The following RB1 variants were observed in gnomAD, a reference collection of about 807,000 sequenced individuals.
The protein encoded by RB1 is RB transcriptional corepressor 1.
In RB1, 18 loss-of-function variants were observed where a neutral mutation model predicts 135.4. The observed-to-expected ratio is 0.13, with a 90% confidence interval of 0.09 to 0.20. The LOEUF is 0.20. Among genes scored for constraint, RB1 ranks in the 10% least tolerant of loss-of-function variants. RB1 has a pLI of 1.00. For synonymous variants in RB1, 365 were observed against 373.2 expected, an observed-to-expected ratio of 0.98 and a Z score of 0.25; for missense variants, 868 against 1,110.0, an observed-to-expected ratio of 0.78 and a Z score of 3.10.
intron 6 of RB1, among the ~76,000 whole-genome samples, chr13:48,357,346 A>G (rs1952601964): frequency 6.6e-6 from 1 of 151,724 alleles, no homozygotes; most frequent in Non-Finnish European, 1.5e-5. Flanking sequence ...TTTTGAGCTA[A>G]ACTATTTTTG....
intron 17 of RB1, among the ~76,000 whole-genome samples, chr13:48,451,003 G>A (rs1949323641): frequency 2.0e-5 from 3 of 152,196 alleles, no homozygotes. Flanking sequence ...GTATAGGAAT[G>A]CTAGCGATTA....
rs754234456 is a variant in RB1, at chr13:48,345,335, T to C, written c.500+136T>C. 4.1e-5 allele frequency: 41 copies of C among 1,004,464 alleles called. No homozygotes were observed. The Middle Eastern group carries it at 9.7e-4, about 24-fold the overall frequency. The allele number at this position is 1,004,464 out of a possible 1,614,324, so 62.2% of individuals were successfully genotyped here. A position where few individuals can be genotyped will look rare whatever the true frequency, so the allele number is the denominator to read the frequency against. On this transcript the variant is annotated intron_variant, in intron 4 of 26. Transcript: ENST00000267163. ...TAGACTTGTCCCTTTTAATGTTAGC[T>C]CATTAATTCTTAGCTTTCTTATTTA...
intron 13 of RB1, among the ~76,000 whole-genome samples, chr13:48,378,120 C>T (rs1276474948): frequency 6.6e-6 from 1 of 152,116 alleles, no homozygotes. Context: ...TGTACACTAT[C>T]GTAGACTTTA....
At chr13:48,463,051 C>T (rs1431434140) in intron 20 of RB1, among the ~76,000 whole-genome samples, 1 of 152,090 alleles carries the variant, frequency 6.6e-6, no homozygotes, top group African/African-American at 2.4e-5. Flanking sequence ...AAGAATGTTG[C>T]AGAAGCAATG....
chr13:48,392,635 A>G (rs1438731240), intron 17 of RB1, among the ~76,000 whole-genome samples: 1 of 151,710 alleles, frequency 6.6e-6, no homozygotes, highest in Non-Finnish European at 1.5e-5. Flanking sequence ...TATTATGTTT[A>G]TGCTTTTCTT....
At chr13:48,473,647 GTA>G (rs1949486243) in intron 24 of RB1, among the ~76,000 whole-genome samples, 1 of 151,988 alleles carries the variant, frequency 6.6e-6, no homozygotes. Context: ...ATACATTTGT[GTA>G]TATACATACA....
At chr13:48,411,575 G>C in intron 17 of RB1, 1 of 1,613,570 alleles carries the variant, frequency 6.2e-7, no homozygotes, top group Non-Finnish European at 8.5e-7. Context: ...CAAAACAACA[G>C]TTGGAAACAG....
intron 2 of RB1, among the ~76,000 whole-genome samples, chr13:48,308,888 C>T (rs776455294): frequency 3.9e-5 from 6 of 152,082 alleles, no homozygotes; most frequent in Non-Finnish European, 8.8e-5. Context: ...CCTGTAGTTA[C>T]ACATAGTTTT....
At chr13:48,425,511 A>G (rs1022857972) in intron 17 of RB1, among the ~76,000 whole-genome samples, 1 of 152,214 alleles carries the variant, frequency 6.6e-6, no homozygotes, top group African/African-American at 2.4e-5. Context: ...TAGACGCTGC[A>G]AAGTGTAATG....
At chr13:48,476,560 T>G (rs1318681348) in intron 24 of RB1, 141 bp from the exon 25 acceptor site, 2 of 807,308 alleles carry the variant, frequency 2.5e-6, no homozygotes, top group African/African-American at 3.5e-5. Flanking sequence ...ATATCTTTTA[T>G]TTGGTCCAAT....
At chr13:48,417,231 C>G (rs966277407) in intron 17 of RB1, 2 of 153,238 alleles carry the variant, frequency 1.3e-5, no homozygotes, top group African/African-American at 2.4e-5. Context: ...GAGGAAGGAA[C>G]AGGCAGCAAT....
chr13:48,401,176 C>T (rs1472611664), intron 17 of RB1: 1 of 152,304 alleles, frequency 6.6e-6, no homozygotes, highest in Non-Finnish European at 1.5e-5. Context: ...CTAGGACATA[C>T]TCTCTGTACC....
chr13:48,383,495 T>A (rs1402367274), intron 17 of RB1, among the ~76,000 whole-genome samples: 2 of 152,084 alleles, frequency 1.3e-5, no homozygotes, highest in Non-Finnish European at 2.9e-5. Flanking sequence ...AATTAAAAAA[T>A]TAAGACTTTA....
intron 17 of RB1, among the ~76,000 whole-genome samples, chr13:48,424,325 A>G (rs985554051): frequency 2.6e-5 from 4 of 152,222 alleles, no homozygotes; most frequent in Non-Finnish European, 5.9e-5. Flanking sequence ...AACACTTAAT[A>G]CTTTATGTTA....
At chr13:48,449,093 C>T (rs1949309376) in intron 17 of RB1, among the ~76,000 whole-genome samples, 1 of 152,028 alleles carries the variant, frequency 6.6e-6, no homozygotes, top group South Asian at 2.1e-4. Context: ...TTTGAAAGAA[C>T]TGTTGCGTAA....
intron 20 of RB1, among the ~76,000 whole-genome samples, chr13:48,463,273 A>G (rs1456992995): frequency 6.6e-6 from 1 of 152,216 alleles, no homozygotes; most frequent in Admixed American, 6.5e-5. Flanking sequence ...CAGATCAAGA[A>G]ACAAAACATT....
intron 26 of RB1, 37 bp from the exon 27 acceptor site, chr13:48,479,961 C>T (rs2138364200): frequency 6.4e-7 from 1 of 1,573,226 alleles, no homozygotes; most frequent in South Asian, 1.1e-5. Context: ...TACCCAGTAC[C>T]ATCAATGCTG....
intron 24 of RB1, among the ~76,000 whole-genome samples, chr13:48,473,754 C>A (rs1273116737): frequency 6.6e-6 from 1 of 152,026 alleles, no homozygotes; most frequent in East Asian, 1.9e-4. Flanking sequence ...CTCTGGTGTT[C>A]TACAATTCAA....
intron 6 of RB1, among the ~76,000 whole-genome samples, chr13:48,353,002 A>G (rs921637242): frequency 6.6e-6 from 1 of 151,602 alleles, no homozygotes; most frequent in Non-Finnish European, 1.5e-5. Flanking sequence ...GTTATAGGTG[A>G]AAAAAAGAGG....
Sources: gnomAD v4.1 joint callset for allele counts (sites outside exome capture counted in the v4.1 genomes callset) on GRCh38, gnomAD v4.1.1 for gene constraint, MANE v1.5 for transcripts, NCBI Gene and HGNC (gene_info 2026-07-23, HGNC 2026-07-21) for gene names.